The following ZNF880 variants were observed in gnomAD, a reference collection of about 807,000 sequenced individuals.
The protein encoded by ZNF880 is zinc finger protein LOC400713.
Under a neutral mutation model 11.8 loss-of-function variants are expected in ZNF880, and 12 were observed. The observed-to-expected ratio is 1.02, with a 90% CI of 0.65 to 1.65. The LOEUF is 1.65. ZNF880 is among the 40% of genes most tolerant of loss of function. The probability of loss-of-function intolerance (pLI) is 0.00; values close to 1 mark genes in which losing one functional copy is unlikely to be tolerated. For missense variants in ZNF880, 601 were observed against 673.9 expected (o/e 0.89, Z 1.20); for synonymous variants, 210 against 232.4 (o/e 0.90, Z 0.88).
At chr19:52,374,801 A>T in intron 3 of ZNF880, 1 of 485,830 alleles carries the variant, frequency 2.1e-6, no homozygotes, top group Non-Finnish European at 3.7e-6. Context: ...TGGTGGTGTG[A>T]TCGTAGCCCG....
chr19:52,372,072 C>A (rs1161938318), intron 1 of ZNF880, among the ~76,000 whole-genome samples: 1 of 151,510 alleles, frequency 6.6e-6, no homozygotes, highest in Non-Finnish European at 1.5e-5. Flanking sequence ...GCCTGTAGTC[C>A]CAGCTACTCG....
intron 1 of ZNF880, 178 bp downstream of exon 1, chr19:52,370,155 G>A (rs748305002): frequency 1.7e-5 from 13 of 783,858 alleles, no homozygotes; most frequent in Non-Finnish European, 2.7e-5. Flanking sequence ...AAAATCGCTC[G>A]GAGGCTGGTC....
intron 1 of ZNF880, among the ~76,000 whole-genome samples, chr19:52,372,625 C>A (rs1043369653): frequency 2.0e-5 from 3 of 148,686 alleles, no homozygotes; most frequent in African/African-American, 7.4e-5. Context: ...TCAGGTTGGG[C>A]ATGCAGTGGC....
upstream of ZNF880, chr19:52,367,875 A>G (rs1233468730): frequency 1.3e-5 from 2 of 152,032 alleles, no homozygotes; most frequent in Non-Finnish European, 2.9e-5. Context: ...TATGACAAAT[A>G]TTAGGAAATA....
intron 3 of ZNF880, among the ~76,000 whole-genome samples, chr19:52,375,677 A>G (rs972097712): frequency 6.6e-6 from 1 of 151,098 alleles, no homozygotes; most frequent in African/African-American, 2.4e-5. Flanking sequence ...CCAAGACCCC[A>G]AAGTCCATTG....
At chr19:52,368,055 A>G (rs188336002), upstream of ZNF880, among the ~76,000 whole-genome samples, 15 of 151,834 alleles carry the variant, frequency 9.9e-5, no homozygotes, top group African/African-American at 3.6e-4. Flanking sequence ...AAAAAAAAAA[A>G]ATTAGCTGGG....
chr19:52,372,049 C>T (rs1221228723), intron 1 of ZNF880, among the ~76,000 whole-genome samples: 2 of 151,516 alleles, frequency 1.3e-5, no homozygotes, highest in African/African-American at 4.8e-5. Context: ...ATTAGCTGGG[C>T]ACAGTGGTGG....
At chr19:52,368,774 G>A (rs1412963876), upstream of ZNF880, among the ~76,000 whole-genome samples, 3 of 151,790 alleles carry the variant, frequency 2.0e-5, no homozygotes, top group Non-Finnish European at 2.9e-5. Context: ...GTTTTGCTCT[G>A]GTGAAAACTT....
At chr19:52,383,741 T>C (rs1252499791) in intron 3 of ZNF880, 108 bp from the exon 4 acceptor site, 35 of 1,168,384 alleles carry the variant, frequency 3.0e-5, no homozygotes, top group Non-Finnish European at 4.0e-5. Flanking sequence ...AGTATGCTGA[T>C]ATTCCTTCCC....
the ZNF880 span, chr19:52,396,577 G>A: frequency 2.6e-5 from 4 of 152,318 alleles, no homozygotes; most frequent in South Asian, 6.2e-4. Flanking sequence ...GGGCCTGCTT[G>A]TGGGCCTTAT....
upstream of ZNF880, chr19:52,369,891 C>T: frequency 6.5e-7 from 1 of 1,544,986 alleles, no homozygotes; most frequent in Non-Finnish European, 8.8e-7. Flanking sequence ...CCACCCGGGC[C>T]TGGCCTCGCC....
At chr19:52,369,805 T>A (rs1415267743), upstream of ZNF880, 10 of 773,146 alleles carry the variant, frequency 1.3e-5, no homozygotes, top group East Asian at 2.2e-4. Context: ...GTTCTTCCAG[T>A]CTCCACGGCA....
chr19:52,376,179 C>T (rs982211719), intron 3 of ZNF880, among the ~76,000 whole-genome samples: 1 of 151,976 alleles, frequency 6.6e-6, no homozygotes, highest in Non-Finnish European at 1.5e-5. Context: ...GGGTAGATAC[C>T]CAGGAGTGGT....
chr19:52,396,794 T>C, the ZNF880 span: 1 of 152,010 alleles, frequency 6.6e-6, no homozygotes, highest in African/African-American at 2.4e-5. Flanking sequence ...ATTAGCACAG[T>C]GGAGAGGCAC....
chr19:52,373,826 A>G (rs1043643210), intron 2 of ZNF880, among the ~76,000 whole-genome samples: 1 of 151,388 alleles, frequency 6.6e-6, no homozygotes, highest in Non-Finnish European at 1.5e-5. Flanking sequence ...ACGTGCCACC[A>G]CGCCTGGCTA....
At chr19:52,393,835 C>CCT in the ZNF880 span, among the ~76,000 whole-genome samples, 19 of 109,140 alleles carry the variant, frequency 1.7e-4, no homozygotes, top group Non-Finnish European at 2.7e-4. Context: ...TGCCCCCCCC[C>CCT]TTTTTTTTTT....
chr19:52,383,804 G>A, intron 3 of ZNF880, 45 bp from the exon 4 acceptor site: 4 of 1,484,696 alleles, frequency 2.7e-6, no homozygotes, highest in Non-Finnish European at 1.8e-6. Flanking sequence ...CACTGAACAT[G>A]CCATTGTCAT....
chr19:52,393,681 G>A, the ZNF880 span, among the ~76,000 whole-genome samples: 2 of 151,904 alleles, frequency 1.3e-5, no homozygotes, highest in Non-Finnish European at 2.9e-5. Context: ...TGTCAGATTT[G>A]TATAATTCAT....
chr19:52,395,805 T>C, the ZNF880 span: 4 of 152,214 alleles, frequency 2.6e-5, no homozygotes, highest in Admixed American at 6.5e-5. Flanking sequence ...CCTGTCCTTT[T>C]CTCACCGGTC....
Sources: allele counts gnomAD v4.1 joint callset (sites outside exome capture counted in the v4.1 genomes callset), GRCh38; gene constraint gnomAD v4.1.1; transcripts MANE v1.5; gene names NCBI Gene and HGNC (gene_info 2026-07-23, HGNC 2026-07-21).